The following PHLPP1 variants were observed in gnomAD, a reference collection of about 807,000 sequenced individuals.
The protein encoded by PHLPP1 is PH domain and leucine rich repeat protein phosphatase 1, also known as PH domain leucine-rich repeat-containing protein phosphatase 1.
PHLPP1 carries 42 observed loss-of-function variants against 117.2 expected under a neutral mutation model. The observed-to-expected ratio is 0.36, with a 90% confidence interval of 0.28 to 0.46. The LOEUF is 0.46. PHLPP1 is among the 20% of genes least tolerant of loss of function. The pLI is 1.00. For missense variants in PHLPP1, 2,084 were observed against 2,241.9 expected (o/e 0.93, Z 1.42); for synonymous variants, 1,042 against 970.7 (o/e 1.07, Z -1.37).
intron 8 of PHLPP1, among the ~76,000 whole-genome samples, chr18:62,913,739 CTTTTTTTTTT>C (rs398033174): frequency 1.3e-4 from 13 of 100,740 alleles, no homozygotes; most frequent in South Asian, 6.8e-4. Context: ...CTCTCTCTCT[CTTTTTTTTTT>C]TTTTTTTTTT....
intron 1 of PHLPP1, among the ~76,000 whole-genome samples, chr18:62,739,432 G>C (rs1017193220): frequency 3.9e-5 from 6 of 152,120 alleles, no homozygotes; most frequent in African/African-American, 1.4e-4. Context: ...TCTTGATATT[G>C]CTCTTTGTAT....
intron 1 of PHLPP1, among the ~76,000 whole-genome samples, chr18:62,796,085 G>A (rs374290898): frequency 1.3e-5 from 2 of 152,116 alleles, no homozygotes; most frequent in Non-Finnish European, 2.9e-5. Flanking sequence ...GTGAGTCCAC[G>A]GTTTACAAAG....
At chr18:62,785,626 A>G (rs1255962860) in intron 1 of PHLPP1, among the ~76,000 whole-genome samples, 3 of 152,372 alleles carry the variant, frequency 2.0e-5, no homozygotes, top group East Asian at 1.9e-4. Flanking sequence ...AAAGCGTAAC[A>G]TGAAAGTAGT....
chr18:62,763,361 A>C lies in PHLPP1; in HGVS notation c.1576+46102A>C, dbSNP rs1912323482. 2.0e-5 allele frequency among the ~76,000 whole-genome samples: 3 copies of C among 152,186 alleles called. No individual in the cohort carries two copies. In the South Asian group the frequency reaches 6.2e-4, roughly 32 times the overall value. ...ACTCGGGAGGAAGCAGGGCGCTACC[A>C]AAAAGCAGGGGAAGATCACCCAGTG... is the stretch of plus-strand genomic sequence containing the variant. On this transcript the variant is annotated intron_variant, in intron 1 of 16. Coordinates refer to ENST00000262719, the MANE Select transcript of PHLPP1 (RefSeq NM_194449.4).
chr18:62,952,956 A>C (rs571749435), intron 12 of PHLPP1, among the ~76,000 whole-genome samples: 1 of 152,314 alleles, frequency 6.6e-6, no homozygotes, highest in East Asian at 1.9e-4. Flanking sequence ...ATAGTACTAC[A>C]CTGTGACTCT....
intron 2 of PHLPP1, 165 bp from the exon 3 acceptor site, chr18:62,838,619 C>A: frequency 3.5e-6 from 2 of 563,876 alleles, no homozygotes; most frequent in African/African-American, 1.9e-5. Context: ...CTTTGTAATT[C>A]AAATTGGGTG....
intron 13 of PHLPP1, 119 bp from the exon 14 acceptor site, chr18:62,963,249 G>A: frequency 3.2e-6 from 2 of 630,834 alleles, no homozygotes; most frequent in Non-Finnish European, 2.8e-6. Flanking sequence ...ATTAAACGCA[G>A]TAAGAAATGG....
chr18:62,857,380 G>A (rs984009135), intron 3 of PHLPP1, among the ~76,000 whole-genome samples: 13 of 152,156 alleles, frequency 8.5e-5, no homozygotes, highest in African/African-American at 3.1e-4. Flanking sequence ...CATTTTAACT[G>A]CAGCTCTAAG....
At chr18:62,739,620 T>C (rs2122071695) in intron 1 of PHLPP1, among the ~76,000 whole-genome samples, 1 of 152,182 alleles carries the variant, frequency 6.6e-6, no homozygotes, top group Non-Finnish European at 1.5e-5. Context: ...AGAAAGAGGC[T>C]AAGGATGATG....
At chr18:62,741,077 T>G (rs1451675333) in intron 1 of PHLPP1, among the ~76,000 whole-genome samples, 1 of 152,242 alleles carries the variant, frequency 6.6e-6, no homozygotes, top group Non-Finnish European at 1.5e-5. Flanking sequence ...TTTTGTAGAT[T>G]TTTAATAAAG....
chr18:62,739,759 TAA>T (rs771461817), intron 1 of PHLPP1, among the ~76,000 whole-genome samples: 10 of 152,056 alleles, frequency 6.6e-5, no homozygotes, highest in Non-Finnish European at 8.8e-5. Flanking sequence ...GAAGGATGGA[TAA>T]AGAGATTCTT....
rs1440794991 is a variant in PHLPP1, at chr18:62,903,006, T to C, written c.2487T>C (p.Phe829=). 9 of 1,613,212 alleles carry C rather than the reference T, an allele frequency of 5.6e-6. No homozygotes were observed. Among genetic ancestry groups the C allele is most frequent in the South Asian group, 1.1e-5 (1 of 91,074 alleles). Residue 829 remains phenylalanine (F), a synonymous_variant, in exon 7 of 17, where the codon TTT becomes TTC. Coordinates refer to ENST00000262719, the MANE Select transcript of PHLPP1 (RefSeq NM_194449.4). ...IRKLIADEVD[F]LQHVTQLDLR... ...AGCTGATAGCAGATGAAGTGGACTT[T>C]CTACAGCATGTTACTCAGCTTGACC...
chr18:62,930,310 CCAA>C (rs2144438150), intron 10 of PHLPP1, among the ~76,000 whole-genome samples: 2 of 152,136 alleles, frequency 1.3e-5, no homozygotes, highest in South Asian at 4.2e-4. Context: ...GTGCTTGAAC[CCAA>C]CCTTCTATTG....
chr18:62,774,722 T>A (rs902288087), intron 1 of PHLPP1, among the ~76,000 whole-genome samples: 1 of 152,224 alleles, frequency 6.6e-6, no homozygotes, highest in African/African-American at 2.4e-5. Flanking sequence ...TTTTGTGGTG[T>A]CAACCTGCCA....
At chr18:62,727,996 A>C (rs1469531992) in intron 1 of PHLPP1, among the ~76,000 whole-genome samples, 1 of 151,980 alleles carries the variant, frequency 6.6e-6, no homozygotes, top group Non-Finnish European at 1.5e-5. Flanking sequence ...TATTAGAGAT[A>C]ATTTTTTAGG....
chr18:62,773,007 G>A (rs1033149776), intron 1 of PHLPP1, among the ~76,000 whole-genome samples: 1 of 151,846 alleles, frequency 6.6e-6, no homozygotes, highest in African/African-American at 2.4e-5. Context: ...TTTATGGTAT[G>A]CTGAGGCCCA....
At chr18:62,844,352 T>A (rs1261477874) in intron 3 of PHLPP1, among the ~76,000 whole-genome samples, 1 of 152,118 alleles carries the variant, frequency 6.6e-6, no homozygotes, top group Non-Finnish European at 1.5e-5. Flanking sequence ...AATAAATAAA[T>A]AAAATAAAAA....
intron 1 of PHLPP1, among the ~76,000 whole-genome samples, chr18:62,757,540 T>G (rs1476474162): frequency 6.6e-6 from 1 of 152,268 alleles, no homozygotes; most frequent in Non-Finnish European, 1.5e-5. Flanking sequence ...TTGCTGCTTT[T>G]CTGTTCTTTC....
At chr18:62,920,564 T>C (rs1797633063) in intron 10 of PHLPP1, among the ~76,000 whole-genome samples, 1 of 152,190 alleles carries the variant, frequency 6.6e-6, no homozygotes, top group Non-Finnish European at 1.5e-5. Context: ...GTGTTTTTTG[T>C]TTTTTGATCT....
Sources: gnomAD v4.1 joint callset for allele counts (sites outside exome capture counted in the v4.1 genomes callset) on GRCh38, gnomAD v4.1.1 for gene constraint, MANE v1.5 for transcripts, NCBI Gene and HGNC (gene_info 2026-07-23, HGNC 2026-07-21) for gene names.